RTN1: variants seen among roughly 807,000 people sequenced by gnomAD.
The protein encoded by RTN1 is reticulon 1, also known as reticulon-1.
Under a neutral mutation model 65.5 loss-of-function variants are expected in RTN1, and 25 were observed. The observed-to-expected ratio is 0.38, with a 90% CI of 0.28 to 0.53. The LOEUF (loss-of-function observed/expected upper bound fraction) is 0.53, where lower values mean the gene tolerates loss of function less well. Among genes scored for constraint, RTN1 ranks in the 20% least tolerant of loss-of-function variants. The pLI is 0.79. For synonymous variants in RTN1, 471 were observed against 447.6 expected, an observed-to-expected ratio of 1.05 and a Z score of -0.66; for missense variants, 983 against 1,025.4, an observed-to-expected ratio of 0.96 and a Z score of 0.57.
intron 3 of RTN1, among the ~76,000 whole-genome samples, chr14:59,719,284 C>G (rs76178496): frequency 0.018 from 2,691 of 152,272 alleles, 75 homozygotes; most frequent in African/African-American, 0.061. Context: ...TATAGAATAT[C>G]CCTAGAACTT....
intron 1 of RTN1, among the ~76,000 whole-genome samples, chr14:59,866,048 C>A (rs1036736191): frequency 1.3e-5 from 2 of 151,952 alleles, no homozygotes; most frequent in Non-Finnish European, 2.9e-5. Flanking sequence ...TACCCTTGTG[C>A]CCATGGGGTT....
At chr14:59,726,223 T>C (rs1884756584) in intron 3 of RTN1, among the ~76,000 whole-genome samples, 3 of 152,224 alleles carry the variant, frequency 2.0e-5, no homozygotes, top group African/African-American at 7.2e-5. Context: ...TTTCTTGCAT[T>C]TGAAGACTCA....
intron 1 of RTN1, among the ~76,000 whole-genome samples, chr14:59,809,075 T>C (rs1465890133): frequency 5.3e-5 from 8 of 152,180 alleles, no homozygotes; most frequent in Non-Finnish European, 1.0e-4. Flanking sequence ...CACTTTTGCA[T>C]CCTTCACTTA....
chr14:59,836,087 C>T lies in RTN1; in HGVS notation c.241+34303G>A, dbSNP rs1887208520. Among the ~76,000 whole-genome samples the T allele has an allele frequency of 6.6e-6, 1 of 152,206 alleles. No homozygotes were observed. The highest frequency in any genetic ancestry group is 2.1e-4 in the South Asian group (1 of 4,836). ...TCCTCTCACTCTGACTCTGCTTCTT[C>T]CCTCTTAGAAGGACCCTCGTGATTG... is the stretch of plus-strand genomic sequence containing the variant. On this transcript the variant is annotated intron_variant, in intron 1 of 8. Transcript: ENST00000267484. This position sits in a 1 kb window ranked among gnomAD's most constrained non-coding sequence, Gnocchi z 4.9.
chr14:59,672,300 G>C (rs1341122181), intron 3 of RTN1, among the ~76,000 whole-genome samples: 1 of 152,150 alleles, frequency 6.6e-6, no homozygotes, highest in Non-Finnish European at 1.5e-5. Flanking sequence ...ATTAGACAGT[G>C]CACCTCAACA....
intron 3 of RTN1, among the ~76,000 whole-genome samples, chr14:59,691,527 C>T (rs574962264): frequency 1.3e-5 from 2 of 152,156 alleles, no homozygotes; most frequent in Non-Finnish European, 1.5e-5. Flanking sequence ...GGTACCAATT[C>T]TACTGAAACT....
intron 1 of RTN1, among the ~76,000 whole-genome samples, chr14:59,809,721 G>A (rs572138305): frequency 5.3e-5 from 8 of 152,258 alleles, no homozygotes; most frequent in Non-Finnish European, 1.2e-4. Context: ...CTTTTCATGT[G>A]AAAGTCTCCT....
intron 3 of RTN1, among the ~76,000 whole-genome samples, chr14:59,689,667 G>GA (rs1883917392): frequency 1.3e-5 from 2 of 152,282 alleles, no homozygotes; most frequent in Admixed American, 1.3e-4. Context: ...CATTCTTAGA[G>GA]AAAAGAAATT....
intron 1 of RTN1, among the ~76,000 whole-genome samples, chr14:59,804,690 A>G (rs1387389821): frequency 6.6e-6 from 1 of 152,166 alleles, no homozygotes; most frequent in Non-Finnish European, 1.5e-5. Flanking sequence ...ACAAAAAGCA[A>G]TTAAAAACTA....
chr14:59,696,467 AC>A (rs1884064752), intron 3 of RTN1, among the ~76,000 whole-genome samples: 1 of 91,342 alleles, frequency 1.1e-5, no homozygotes, highest in Admixed American at 9.9e-5. Context: ...GATTTTAATT[AC>A]TTTTTTTTTT....
chr14:59,807,139 T>C (rs1886653523), intron 1 of RTN1, among the ~76,000 whole-genome samples: 1 of 152,196 alleles, frequency 6.6e-6, no homozygotes, highest in Admixed American at 6.5e-5. Flanking sequence ...AAGGTGTCAG[T>C]ATGACTTTCA....
intron 1 of RTN1, among the ~76,000 whole-genome samples, chr14:59,812,131 T>C (rs1457920126): frequency 6.6e-6 from 1 of 152,170 alleles, no homozygotes; most frequent in Admixed American, 6.5e-5. Context: ...AGAGCCAGGA[T>C]TGCACAAACA....
chr14:59,597,694 G>A (rs1199553436), intron 8 of RTN1, among the ~76,000 whole-genome samples: 1 of 152,194 alleles, frequency 6.6e-6, no homozygotes, highest in African/African-American at 2.4e-5. Context: ...AAGGTGGTAT[G>A]GCAGGCAGTG....
At chr14:59,750,168 T>C (rs1885431957) in intron 1 of RTN1, among the ~76,000 whole-genome samples, 1 of 64,396 alleles carries the variant, frequency 1.6e-5, no homozygotes, top group Non-Finnish European at 2.5e-5. Flanking sequence ...ATATATATTA[T>C]ATCTATAATA....
At chr14:59,791,894 G>T in intron 1 of RTN1, among the ~76,000 whole-genome samples, 1 of 152,056 alleles carries the variant, frequency 6.6e-6, no homozygotes, top group African/African-American at 2.4e-5. Context: ...GGCATAGGGG[G>T]AGCTTTCCAA....
In RTN1 at chr14:59,656,675, TCTGGAACTCC is replaced by T. The variant is rs148150552; in HGVS notation, c.1766-49193_1766-49184del. Among the ~76,000 whole-genome samples, 98 of 152,336 alleles carry T rather than the reference TCTGGAACTCC, an allele frequency of 6.4e-4. 2 individuals carry two copies. The East Asian group carries it at 8.5e-3, about 13-fold the overall frequency. ...TCCTTAGCTCGGGCCATGATTCCTCTCTGGAACTCCCTGGCAACCTGAATTTATTGCTGTC... is the reference window on the plus strand; with the variant it reads ...TCCTTAGCTCGGGCCATGATTCCTCTCTGGCAACCTGAATTTATTGCTGTC... On this transcript the variant is annotated intron_variant, in intron 3 of 8. Transcript: ENST00000267484.
intron 3 of RTN1, among the ~76,000 whole-genome samples, chr14:59,624,731 G>C (rs1882346913): frequency 6.6e-6 from 1 of 152,070 alleles, no homozygotes; most frequent in South Asian, 2.1e-4. Flanking sequence ...CAAAGTGCTG[G>C]GATTACAGGC....
At chr14:59,742,376 G>A (rs998746875) in intron 2 of RTN1, among the ~76,000 whole-genome samples, 2 of 152,118 alleles carry the variant, frequency 1.3e-5, no homozygotes, top group Non-Finnish European at 2.9e-5. Context: ...TGGGGCATCA[G>A]GGCATTTATT....
At chr14:59,666,843 G>A (rs141747824) in intron 3 of RTN1, among the ~76,000 whole-genome samples, 2 of 150,576 alleles carry the variant, frequency 1.3e-5, no homozygotes, top group South Asian at 2.1e-4. Context: ...AAATCTAGAA[G>A]AAATGGATAA....
Sources: gnomAD v4.1 joint callset for allele counts (sites outside exome capture counted in the v4.1 genomes callset) on GRCh38, gnomAD v4.1.1 for gene constraint, Gnocchi (gnomAD v3.1) non-coding constraint, MANE v1.5 for transcripts, NCBI Gene and HGNC (gene_info 2026-07-23, HGNC 2026-07-21) for gene names.